YAP1: variants seen among roughly 807,000 people sequenced by gnomAD.
YAP1 encodes transcriptional coactivator YAP1.
YAP1 carries 5 observed loss-of-function variants against 56.9 expected under a neutral mutation model. That is an observed-to-expected ratio of 0.09 (90% CI 0.05 to 0.18). The LOEUF (loss-of-function observed/expected upper bound fraction) is 0.18. Ranked by LOEUF, YAP1 falls within the 10% of genes least tolerant of loss-of-function variation. The pLI is 1.00. For synonymous variants in YAP1, 265 were observed against 248.1 expected (o/e 1.07, Z -0.64); for missense variants, 539 against 651.8 (o/e 0.83, Z 1.88).
At chr11:102,201,710 G>A (rs986541931) in intron 4 of YAP1, among the ~76,000 whole-genome samples, 3 of 152,052 alleles carry the variant, frequency 2.0e-5, no homozygotes, top group African/African-American at 7.2e-5. Context: ...AGAAAAAACA[G>A]TTGTTACAAA....
chr11:102,158,922 A>G (rs1946111775), intron 2 of YAP1, among the ~76,000 whole-genome samples: 2 of 152,256 alleles, frequency 1.3e-5, no homozygotes, highest in Admixed American at 6.5e-5. Context: ...AGAATTTATT[A>G]GGATGAGCTT....
At chr11:102,206,391 T>C (rs904703800) in intron 5 of YAP1, among the ~76,000 whole-genome samples, 3 of 152,240 alleles carry the variant, frequency 2.0e-5, no homozygotes, top group African/African-American at 7.2e-5. Flanking sequence ...GATTGCTGTT[T>C]TTCTGAGGAT....
chr11:102,157,130 A>G (rs868732104), intron 2 of YAP1, among the ~76,000 whole-genome samples: 6 of 152,218 alleles, frequency 3.9e-5, no homozygotes, highest in South Asian at 4.1e-4. Flanking sequence ...TTAAATTTCA[A>G]TTTAAGATTC....
chr11:102,219,018 A>G (rs1389540101), intron 6 of YAP1, among the ~76,000 whole-genome samples: 2 of 152,206 alleles, frequency 1.3e-5, no homozygotes, highest in Non-Finnish European at 2.9e-5. Flanking sequence ...TAATATGAAA[A>G]TTATAGCCAA....
chr11:102,221,731 T>A lies in YAP1; in HGVS notation c.1033-1891T>A, dbSNP rs188481367. On this transcript the variant is annotated intron_variant, in intron 6 of 8. Coordinates refer to ENST00000282441, the MANE Select transcript of YAP1 (RefSeq NM_001130145.3). ...GAGTGAGACCCTGTCTCAAAAAGAT[T>A]AAAAAAAAAAAAAATCTAGAAGCAC... Among the ~76,000 whole-genome samples, 715 of 139,364 alleles carry A rather than the reference T, an allele frequency of 5.1e-3. 4 individuals are homozygous for A. Among genetic ancestry groups the A allele is most frequent in the South Asian group, 0.025 (111 of 4,378 alleles). The allele number at this position is 139,364 out of a possible 152,430, so 91.4% of individuals were successfully genotyped here. A position where few individuals can be genotyped will look rare whatever the true frequency, so the allele number is the denominator to read the frequency against.
intron 4 of YAP1, among the ~76,000 whole-genome samples, chr11:102,189,387 A>C (rs1308826603): frequency 6.6e-6 from 1 of 152,184 alleles, no homozygotes; most frequent in East Asian, 1.9e-4. Context: ...ACTGATCTTT[A>C]ATGTTATTTT....
intron 6 of YAP1, 29 bp downstream of exon 6, chr11:102,209,593 GGA>G: frequency 4.2e-6 from 6 of 1,414,250 alleles, no homozygotes; most frequent in South Asian, 2.9e-5. Flanking sequence ...TTTTAGCACT[GGA>G]AAAAAAAAAA....
In YAP1 at chr11:102,114,282, A is replaced by G. The variant is rs746188462; in HGVS notation, c.460A>G (p.Thr154Ala). The G allele has an allele frequency of 2.5e-6, 4 of 1,614,170 alleles. No individual in the cohort carries two copies. Among genetic ancestry groups the G allele is most frequent in the Non-Finnish European group, 3.4e-6 (4 of 1,180,036 alleles). Residue 154 changes from threonine (T) to alanine (A), a missense_variant, in exon 2 of 9, where the codon ACA becomes GCA. By Grantham distance (58) the Thr-to-Ala change is moderately conservative. This residue lies in a region of YAP1 where 414 missense variants were observed against 512.4 expected (regional missense o/e 0.81). Transcript: ENST00000282441. ...TGGAGTAGTCTCTGGCCCAGCAGCT[A>G]CACCCACAGCTCAGCATCTTCGACA... Reference protein sequence around the residue: ...PTGVVSGPAATPTAQHLRQSS... With the variant: ...PTGVVSGPAAAPTAQHLRQSS...
chr11:102,153,679 T>G (rs1001077873), intron 2 of YAP1, among the ~76,000 whole-genome samples: 1 of 152,186 alleles, frequency 6.6e-6, no homozygotes, highest in Admixed American at 6.5e-5. Context: ...TCAATGAAAC[T>G]CCTAATATAT....
At chr11:102,185,814 A>G (rs912690036) in intron 3 of YAP1, among the ~76,000 whole-genome samples, 1 of 152,052 alleles carries the variant, frequency 6.6e-6, no homozygotes, top group Admixed American at 6.6e-5. Context: ...AGGAATATTC[A>G]TTTTATTATT....
intron 6 of YAP1, among the ~76,000 whole-genome samples, chr11:102,222,128 A>G (rs895241323): frequency 2.6e-5 from 4 of 152,184 alleles, no homozygotes; most frequent in African/African-American, 9.7e-5. Context: ...AGCTAGGAGA[A>G]GCTTTCCATA....
intron 3 of YAP1, among the ~76,000 whole-genome samples, chr11:102,180,841 G>C (rs1250605388): frequency 6.6e-6 from 1 of 151,898 alleles, no homozygotes; most frequent in African/African-American, 2.4e-5. Context: ...ATGTTTCGAA[G>C]CTAAATGGCC....
chr11:102,124,722 T>C (rs1475266368), intron 2 of YAP1, among the ~76,000 whole-genome samples: 1 of 152,128 alleles, frequency 6.6e-6, no homozygotes, highest in Admixed American at 6.5e-5. Flanking sequence ...TCTGTTGATT[T>C]TGTTTTCTTT....
At chr11:102,192,862 C>G (rs142073066) in intron 4 of YAP1, among the ~76,000 whole-genome samples, 83 of 152,324 alleles carry the variant, frequency 5.4e-4, no homozygotes, top group African/African-American at 1.9e-3. Flanking sequence ...GGGAAATCTT[C>G]CAGCCTTTAA....
At chr11:102,200,531 GC>G (rs904222114) in intron 4 of YAP1, among the ~76,000 whole-genome samples, 14 of 148,664 alleles carry the variant, frequency 9.4e-5, no homozygotes, top group African/African-American at 3.3e-4. Context: ...TGCAACCTCT[GC>G]CCCCCGTGTT....
Position 102,110,962 on chromosome 11 carries a change from C to G in YAP1, c.114C>G (p.Pro38=). ...GPPSGPGQPA[P]AATQAAPQAP... is the part of the protein sequence containing the mutation. ...CGTCCGGACCCGGGCAACCGGCACCCGCGGCGACCCAGGCGGCGCCGCAGG... is the reference window on the plus strand; with the variant it reads ...CGTCCGGACCCGGGCAACCGGCACCGGCGGCGACCCAGGCGGCGCCGCAGG... The change falls in exon 1 of 9, where the codon CCC becomes CCG. Residue 38 remains proline (P), a synonymous_variant. Coordinates refer to ENST00000282441, the MANE Select transcript of YAP1 (RefSeq NM_001130145.3). The G allele has an allele frequency of 6.6e-7, 1 of 1,513,792 alleles. No homozygotes were observed. The highest frequency in any genetic ancestry group is 8.8e-7 in the Non-Finnish European group (1 of 1,132,498). 93.8% of individuals were successfully genotyped at this position (1,513,792 alleles called of 1,614,324 possible). A position where few individuals can be genotyped will look rare whatever the true frequency, so the allele number is the denominator to read the frequency against.
At chr11:102,159,803 C>G (rs956685749) in intron 2 of YAP1, among the ~76,000 whole-genome samples, 27 of 152,124 alleles carry the variant, frequency 1.8e-4, no homozygotes, top group Admixed American at 2.0e-4. Context: ...TAATATACAT[C>G]TGCTTGACTT....
chr11:102,176,639 A>G (rs561548220), intron 3 of YAP1, among the ~76,000 whole-genome samples: 3 of 148,484 alleles, frequency 2.0e-5, no homozygotes, highest in Non-Finnish European at 4.5e-5. Flanking sequence ...CCAGCTACTC[A>G]GGAGGCTGAG....
intron 2 of YAP1, among the ~76,000 whole-genome samples, chr11:102,128,336 T>G (rs1368468153): frequency 6.6e-6 from 1 of 152,136 alleles, no homozygotes; most frequent in Non-Finnish European, 1.5e-5. Flanking sequence ...TCCCGTGCTA[T>G]TCTCATGATA....
Sources: gnomAD v4.1 joint callset for allele counts (sites outside exome capture counted in the v4.1 genomes callset) on GRCh38, gnomAD v4.1.1 for gene constraint, gnomAD v4.1.1 regional missense constraint, MANE v1.5 for transcripts, NCBI Gene and HGNC (gene_info 2026-07-23, HGNC 2026-07-21) for gene names.